DLGAP4: variants seen among roughly 807,000 people sequenced by gnomAD.
The protein encoded by DLGAP4 is DLG associated protein 4.
In DLGAP4, 18 loss-of-function variants were observed where a neutral mutation model predicts 86.9. That is an observed-to-expected ratio of 0.21 (90% CI 0.14 to 0.31). DLGAP4 has a LOEUF of 0.31. Among genes scored for constraint, DLGAP4 ranks in the 10% least tolerant of loss-of-function variants. The pLI, the probability that DLGAP4 is intolerant of heterozygous loss-of-function variation, is 1.00. For missense variants in DLGAP4, 1,085 were observed against 1,362.6 expected, an observed-to-expected ratio of 0.80 and a Z score of 3.21; for synonymous variants, 548 against 574.3, an observed-to-expected ratio of 0.95 and a Z score of 0.65.
intron 7 of DLGAP4, among the ~76,000 whole-genome samples, chr20:36,488,071 G>A (rs370033070): frequency 2.8e-4 from 42 of 151,382 alleles, no homozygotes; most frequent in East Asian, 9.8e-4. Flanking sequence ...ATGGTGGCGC[G>A]CGCCTATAAT....
In DLGAP4 at chr20:36,432,159, C is replaced by T. The variant is rs1256455380; in HGVS notation, c.442C>T (p.Arg148Trp). The T allele has an allele frequency of 6.2e-7, 1 of 1,614,102 alleles. No individual in the cohort carries two copies. Among genetic ancestry groups the T allele is most frequent in the Admixed American group, 1.7e-5 (1 of 60,016 alleles). ...RIRHLVHSVQRLFFTKAPSLE... is the reference protein window; with the variant it reads ...RIRHLVHSVQWLFFTKAPSLE... ...CCGCCACCTGGTCCACTCAGTCCAG[C>T]GGCTTTTCTTCACCAAGGCACCCTC... The change falls in exon 3 of 13, where the codon CGG (arginine) becomes TGG (tryptophan). Residue 148 changes from arginine to tryptophan, a missense_variant. Coordinates refer to ENST00000339266, the MANE Select transcript of DLGAP4 (RefSeq NM_001365621.2). This position sits in a 1 kb window ranked among gnomAD's most constrained non-coding sequence, Gnocchi z 6.5.
rs746042271 is a variant in DLGAP4 at position 36,497,000 on chromosome 20, G to A, written c.1944G>A (p.Thr648=). The A allele has an allele frequency of 3.8e-5, 62 of 1,613,992 alleles. No homozygotes were observed. Among genetic ancestry groups the A allele is most frequent in the South Asian group, 1.1e-5 (1 of 91,078 alleles). Reference sequence around the variant, plus strand: ...CAGCTCTGAAAAGTGAACAAGGGACGCTGACCAGCTCTGAGTCCCACCCCG... The same window carrying A: ...CAGCTCTGAAAAGTGAACAAGGGACACTGACCAGCTCTGAGTCCCACCCCG... ...KHAALKSEQG[T]LTSSESHPEA... The change falls in exon 8 of 13, where the codon ACG becomes ACA. Residue 648 remains threonine (T), a synonymous_variant. Transcript: ENST00000339266.
At chr20:36,391,203 A>G (rs1347356869) in intron 2 of DLGAP4, among the ~76,000 whole-genome samples, 1 of 152,074 alleles carries the variant, frequency 6.6e-6, no homozygotes, top group Non-Finnish European at 1.5e-5. Context: ...CTGGGGACCT[A>G]TAGCCGTGGG....
At chr20:36,380,880 C>T (rs1225188007) in intron 2 of DLGAP4, among the ~76,000 whole-genome samples, 4 of 152,206 alleles carry the variant, frequency 2.6e-5, no homozygotes, top group African/African-American at 9.6e-5. Flanking sequence ...GAAACAAAGA[C>T]TTCCTGGAAG....
intron 2 of DLGAP4, among the ~76,000 whole-genome samples, chr20:36,368,794 G>A (rs564231830): frequency 2.3e-4 from 35 of 152,374 alleles, no homozygotes; most frequent in African/African-American, 7.9e-4. Flanking sequence ...ATTACTATGT[G>A]TTTGGCATCG....
rs1012109106 is a variant in DLGAP4, at chr20:36,393,555, G to A, written c.-73+26280G>A. Among the ~76,000 whole-genome samples, 4 of 152,068 alleles carry A rather than the reference G, an allele frequency of 2.6e-5. No individual in the cohort carries two copies. Among genetic ancestry groups the A allele is most frequent in the East Asian group, 3.9e-4 (2 of 5,190 alleles). On this transcript the variant is annotated intron_variant, in intron 2 of 12. Transcript: ENST00000339266. This position sits in a 1 kb window ranked among gnomAD's most constrained non-coding sequence, Gnocchi z 4.4. ...TTATTTCCCCTGAGGTCTCCACACCGAGCCCCTGGGGAGCACAGGGAAGCG... is the reference window on the plus strand; with the variant it reads ...TTATTTCCCCTGAGGTCTCCACACCAAGCCCCTGGGGAGCACAGGGAAGCG...
At chr20:36,463,780 G>A (rs561809186) in intron 7 of DLGAP4, among the ~76,000 whole-genome samples, 2 of 152,334 alleles carry the variant, frequency 1.3e-5, no homozygotes, top group Admixed American at 1.3e-4. Context: ...GGGGAACAAA[G>A]ACCTCAGCCG....
At chr20:36,335,892 C>G (rs1392466059) in intron 1 of DLGAP4, among the ~76,000 whole-genome samples, 1 of 152,150 alleles carries the variant, frequency 6.6e-6, no homozygotes, top group South Asian at 2.1e-4. Context: ...CCTGTAATGA[C>G]TTGTTGACTC....
intron 2 of DLGAP4, among the ~76,000 whole-genome samples, chr20:36,410,401 G>T (rs2032465492): frequency 6.6e-6 from 1 of 152,190 alleles, no homozygotes; most frequent in Non-Finnish European, 1.5e-5. Context: ...GCCCTTCCAT[G>T]GGATAACTCT....
At chr20:36,318,567 T>A (rs2065134547) in intron 1 of DLGAP4, among the ~76,000 whole-genome samples, 1 of 152,142 alleles carries the variant, frequency 6.6e-6, no homozygotes, top group Admixed American at 6.5e-5. Flanking sequence ...AAAGATAGGA[T>A]CTCGCTTTGC....
intron 1 of DLGAP4, among the ~76,000 whole-genome samples, chr20:36,334,228 T>C (rs1354107651): frequency 6.6e-6 from 1 of 151,936 alleles, no homozygotes; most frequent in Non-Finnish European, 1.5e-5. Context: ...AATTAGGGGG[T>C]TGGTCTGCAG....
At chr20:36,526,176 C>T (rs2037745907) in intron 12 of DLGAP4, 170 bp downstream of exon 12, 18 of 917,370 alleles carry the variant, frequency 2.0e-5, no homozygotes, top group Middle Eastern at 3.3e-4. Context: ...GTCTGGCATG[C>T]CGCTTGCTCC....
intron 1 of DLGAP4, among the ~76,000 whole-genome samples, chr20:36,312,375 G>GCA (rs1156971493): frequency 6.8e-6 from 1 of 148,044 alleles, no homozygotes; most frequent in African/African-American, 2.6e-5. Context: ...GCGAACACAC[G>GCA]CACACACACA....
intron 1 of DLGAP4, among the ~76,000 whole-genome samples, chr20:36,307,677 A>AGCGGGAGGGG: frequency 6.6e-6 from 1 of 152,106 alleles, no homozygotes; most frequent in African/African-American, 2.4e-5. Flanking sequence ...GAAATGACAT[A>AGCGGGAGGGG]GCGGGAGGGG....
intron 2 of DLGAP4, among the ~76,000 whole-genome samples, chr20:36,406,610 C>G (rs2032331122): frequency 6.6e-6 from 1 of 152,018 alleles, no homozygotes; most frequent in Non-Finnish European, 1.5e-5. Context: ...TGTTGATGCC[C>G]CTCTTTAAAG....
intron 2 of DLGAP4, among the ~76,000 whole-genome samples, chr20:36,427,966 A>G (rs1035067549): frequency 6.0e-5 from 9 of 150,304 alleles, no homozygotes; most frequent in Non-Finnish European, 1.3e-4. Context: ...TAAAAAAGGG[A>G]AAAAAAACTG....
At chr20:36,475,868 T>G (rs781201255) in intron 7 of DLGAP4, among the ~76,000 whole-genome samples, 9 of 152,086 alleles carry the variant, frequency 5.9e-5, no homozygotes, top group Non-Finnish European at 1.3e-4. Context: ...ACCTTTTTTT[T>G]GTTTGTTTTG....
At chr20:36,525,443 G>A (rs916084164) in intron 11 of DLGAP4, 7 of 254,254 alleles carry the variant, frequency 2.8e-5, no homozygotes, top group Admixed American at 9.5e-5. Context: ...TGGGGGTTGC[G>A]TTGTCATGGA....
chr20:36,354,832 CT>C (rs1276528534), intron 1 of DLGAP4, among the ~76,000 whole-genome samples: 17 of 151,922 alleles, frequency 1.1e-4, no homozygotes, highest in Admixed American at 1.1e-3. Context: ...GTCCCAGCTA[CT>C]CAGGAGGCTG....
Sources: gnomAD v4.1 joint callset for allele counts (sites outside exome capture counted in the v4.1 genomes callset) on GRCh38, gnomAD v4.1.1 for gene constraint, Gnocchi (gnomAD v3.1) non-coding constraint, MANE v1.5 for transcripts, NCBI Gene and HGNC (gene_info 2026-07-23, HGNC 2026-07-21) for gene names.